The following SIRT1 variants were observed in gnomAD, a reference collection of about 807,000 sequenced individuals.
SIRT1 encodes the protein NAD-dependent protein deacetylase sirtuin-1.
SIRT1 carries 24 observed loss-of-function variants against 67.9 expected under a neutral mutation model. The observed-to-expected ratio is 0.35, with a 90% CI of 0.26 to 0.50. The LOEUF is 0.50. Ranked by LOEUF, SIRT1 falls within the 20% of genes least tolerant of loss-of-function variation. The pLI is 0.98. For missense variants in SIRT1, 873 were observed against 937.2 expected (o/e 0.93, Z 0.89); for synonymous variants, 378 against 350.7 (o/e 1.08, Z -0.87).
intron 4 of SIRT1, among the ~76,000 whole-genome samples, chr10:67,892,151 G>A (rs1014051507): frequency 2.2e-4 from 34 of 152,116 alleles, no homozygotes; most frequent in African/African-American, 8.2e-4. Flanking sequence ...GATCCAGTAT[G>A]GAAAATACAA....
At chr10:67,895,090 A>G (rs1020488754) in intron 4 of SIRT1, among the ~76,000 whole-genome samples, 5 of 152,088 alleles carry the variant, frequency 3.3e-5, no homozygotes, top group African/African-American at 1.2e-4. Context: ...TTCTTTGTCC[A>G]TCCTTTAATT....
chr10:67,900,145 ATTTAT>A (rs1842719565), intron 4 of SIRT1, among the ~76,000 whole-genome samples: 1 of 151,976 alleles, frequency 6.6e-6, no homozygotes, highest in Admixed American at 6.6e-5. Context: ...TTTATTTTTT[ATTTAT>A]TTATTTATTT....
chr10:67,886,853 TCTTTTCTTTTTTTTTTTC>T (rs763588685), intron 1 of SIRT1, among the ~76,000 whole-genome samples: 8 of 150,468 alleles, frequency 5.3e-5, no homozygotes, highest in South Asian at 2.1e-4. Context: ...TAGATTATTA[TCTTTTCTTTTTTTTTTTC>T]CTTTTCTTTT....
intron 8 of SIRT1, among the ~76,000 whole-genome samples, chr10:67,915,506 T>C (rs2029884492): frequency 6.6e-6 from 1 of 152,192 alleles, no homozygotes; most frequent in African/African-American, 2.4e-5. Flanking sequence ...TTAGACTGTA[T>C]GTGTATATAC....
chr10:67,909,706 C>T (rs908339543), intron 7 of SIRT1, among the ~76,000 whole-genome samples: 1 of 152,058 alleles, frequency 6.6e-6, no homozygotes, highest in Non-Finnish European at 1.5e-5. Context: ...TTCTGAGTAG[C>T]TGGGATCACA....
At chr10:67,904,368 C>G (rs1481115157) in intron 4 of SIRT1, among the ~76,000 whole-genome samples, 2 of 151,136 alleles carry the variant, frequency 1.3e-5, no homozygotes, top group Non-Finnish European at 2.9e-5. Context: ...TACTCCTGGT[C>G]TCAAGTAACC....
At chr10:67,899,583 A>G (rs1589076057) in intron 4 of SIRT1, among the ~76,000 whole-genome samples, 1 of 152,020 alleles carries the variant, frequency 6.6e-6, no homozygotes, top group South Asian at 2.1e-4. Flanking sequence ...AGAATCAAAA[A>G]CACCTTGTTT....
intron 8 of SIRT1, among the ~76,000 whole-genome samples, chr10:67,913,994 A>G (rs552562082): frequency 4.4e-4 from 67 of 151,528 alleles, no homozygotes; most frequent in African/African-American, 1.4e-3. Context: ...ATACTTTGGT[A>G]TAGGTGCTGC....
chr10:67,914,483 A>G (rs530552301), intron 8 of SIRT1, among the ~76,000 whole-genome samples: 28 of 152,310 alleles, frequency 1.8e-4, no homozygotes, highest in African/African-American at 6.7e-4. Context: ...GGGAAACTAG[A>G]AAAAGCATAG....
rs1397273416 is a variant in SIRT1, at chr10:67,918,290, A to G, written c.*1697A>G. On this transcript the variant is annotated 3_prime_UTR_variant, in exon 9 of 9. Coordinates refer to ENST00000212015, the MANE Select transcript of SIRT1 (RefSeq NM_012238.5). ...GTTTTGTAGACTGTTTAATGACTGG[A>G]TATCTTCCTTCAACTTTTGAAATAC... 1 of 152,606 alleles carries G rather than the reference A, an allele frequency of 6.6e-6. No individual in the cohort carries two copies. Among genetic ancestry groups the G allele is most frequent in the Non-Finnish European group, 1.5e-5 (1 of 68,032 alleles). The allele number at this position is 152,606 out of a possible 1,614,324, so 9.5% of individuals were successfully genotyped here.
intron 4 of SIRT1, 53 bp from the exon 5 acceptor site, chr10:67,906,737 A>G (rs1842825689): frequency 1.3e-6 from 2 of 1,540,560 alleles, no homozygotes; most frequent in Non-Finnish European, 8.9e-7. Context: ...AACATATGAC[A>G]TCTGTAGTTT....
chr10:67,903,061 C>G (rs1259392775), intron 4 of SIRT1, among the ~76,000 whole-genome samples: 3 of 152,096 alleles, frequency 2.0e-5, no homozygotes, highest in Admixed American at 2.0e-4. Context: ...CCATTGCACT[C>G]CATCCTGGGT....
chr10:67,893,734 G>C (rs768877907), intron 4 of SIRT1, among the ~76,000 whole-genome samples: 2 of 152,030 alleles, frequency 1.3e-5, no homozygotes, highest in African/African-American at 2.4e-5. Context: ...TGGTAGAGAC[G>C]GGGATTCACT....
At position 67,890,387 on chromosome 10, in the gene SIRT1, G is replaced by A. The variant is rs12245930; in HGVS notation, c.790-1015G>A. On this transcript the variant is annotated intron_variant, in intron 3 of 8. Transcript: ENST00000212015. Reference sequence around the variant, plus strand: ...TTTTTTTTAATGAAAATAGAGAATTGTTGTAGTATTGAGGTAATAGAATCC... The same window carrying A: ...TTTTTTTTAATGAAAATAGAGAATTATTGTAGTATTGAGGTAATAGAATCC... Among the ~76,000 whole-genome samples the A allele has an allele frequency of 4.0e-3, 605 of 152,090 alleles. 5 individuals carry two copies. The highest frequency in any genetic ancestry group is 0.014 in the African/African-American group (574 of 41,496).
chr10:67,892,540 C>G (rs114866339), intron 4 of SIRT1, among the ~76,000 whole-genome samples: 1,643 of 152,186 alleles, frequency 0.011, 30 homozygotes, highest in African/African-American at 0.037. Context: ...CATTGCACTC[C>G]ACCCTGGGCA....
chr10:67,885,941 C>A (rs1008907792), intron 1 of SIRT1, among the ~76,000 whole-genome samples: 5 of 95,560 alleles, frequency 5.2e-5, no homozygotes, highest in African/African-American at 2.0e-4. Flanking sequence ...TTGAAGGTTT[C>A]TTTTTTTTTT....
chr10:67,912,069 T>G (rs888714064), intron 7 of SIRT1, among the ~76,000 whole-genome samples: 3 of 152,128 alleles, frequency 2.0e-5, no homozygotes, highest in African/African-American at 7.2e-5. Context: ...CAGCTCACCT[T>G]CTTTATATCA....
intron 3 of SIRT1, 70 bp from the exon 4 acceptor site, chr10:67,891,332 G>T: frequency 7.1e-7 from 1 of 1,404,942 alleles, no homozygotes; most frequent in Admixed American, 2.0e-5. Context: ...TAATTATATG[G>T]TAAGAGAGCT....
Position 67,916,465 on chromosome 10 carries a change from C to T in SIRT1, c.2116C>T (p.Pro706Ser). 6.2e-7 allele frequency: 1 copy of T among 1,614,034 alleles called. No individual in the cohort carries two copies. Among genetic ancestry groups the T allele is most frequent in the South Asian group, 1.1e-5 (1 of 91,078 alleles). The part of the protein sequence containing the change: ...EEFYNGLEDE[P>S]DVPERAGGAG... ...ATTCTACAATGGCTTAGAAGATGAG[C>T]CTGATGTTCCAGAGAGAGCTGGAGG... The change falls in exon 9 of 9, where the codon CCT becomes TCT. Residue 706 changes from proline to serine, a missense_variant. Physicochemically the swap from Pro to Ser is moderately conservative, Grantham distance 74 (BLOSUM62 -1). Transcript: ENST00000212015.
Sources: gnomAD v4.1 joint callset for allele counts (sites outside exome capture counted in the v4.1 genomes callset) on GRCh38, gnomAD v4.1.1 for gene constraint, MANE v1.5 for transcripts, NCBI Gene and HGNC (gene_info 2026-07-23, HGNC 2026-07-21) for gene names.